LHX4: variants seen among roughly 807,000 people sequenced by gnomAD.
LHX4 encodes LIM homeobox 4, also known as LIM/homeobox protein Lhx4.
LHX4 carries 16 observed loss-of-function variants against 39.2 expected under a neutral mutation model. That is an observed-to-expected ratio of 0.41 (90% confidence interval 0.28 to 0.62). The LOEUF is 0.62. LHX4 is among the 20% of genes least tolerant of loss of function. The pLI is 0.33. For synonymous variants in LHX4, 206 were observed against 198.1 expected (o/e 1.04, Z -0.33); for missense variants, 439 against 511.9 (o/e 0.86, Z 1.37).
chr1:180,250,847 A>G (rs1647600987), intron 2 of LHX4, among the ~76,000 whole-genome samples: 2 of 152,200 alleles, frequency 1.3e-5, no homozygotes, highest in Admixed American at 1.3e-4. Flanking sequence ...GGGTCTCCCT[A>G]GACCCAGGAA....
At chr1:180,260,439 G>A (rs1453391412) in intron 2 of LHX4, among the ~76,000 whole-genome samples, 1 of 151,710 alleles carries the variant, frequency 6.6e-6, no homozygotes, top group Non-Finnish European at 1.5e-5. Context: ...TCTTGCACTG[G>A]TGAGCAGCCC....
At position 180,234,885 on chromosome 1, in the gene LHX4, G is replaced by C. The variant is rs1208293879; in HGVS notation, c.76+4280G>C. ...CGACCCACATGACCTCGCTACGACC[G>C]GGGCAGGGCTCCTCCGCCCCGCGGG... On this transcript the variant is annotated intron_variant, in intron 1 of 5. Coordinates refer to ENST00000263726, the MANE Select transcript of LHX4 (RefSeq NM_033343.4). This position sits in a 1 kb window ranked among gnomAD's most constrained non-coding sequence, Gnocchi z 4.8. Among the ~76,000 whole-genome samples the C allele has an allele frequency of 1.3e-5, 2 of 152,218 alleles. No individual in the cohort carries two copies. Among genetic ancestry groups the C allele is most frequent in the Admixed American group, 6.5e-5 (1 of 15,290 alleles).
In LHX4 at chr1:180,274,705, C is replaced by T; in HGVS notation, c.*126C>T. 1 of 1,150,280 alleles carries T rather than the reference C, an allele frequency of 8.7e-7. No homozygotes were observed. Among genetic ancestry groups the T allele is most frequent in the East Asian group, 2.4e-5 (1 of 41,776 alleles). 71.3% of individuals were successfully genotyped at this position (1,150,280 alleles called of 1,614,324 possible). On this transcript the variant is annotated 3_prime_UTR_variant, in exon 6 of 6. Coordinates refer to ENST00000263726, the MANE Select transcript of LHX4 (RefSeq NM_033343.4). ...AATTTCCATTATTTTCAATGGAAGT[C>T]CTCCGCTGATTCCTAGAAGGCTGTG... is the stretch of plus-strand genomic sequence containing the variant.
Position 180,266,715 on chromosome 1 carries a change from CG to C in LHX4, c.451+122del. On this transcript the variant is annotated intron_variant, in intron 3 of 5. Coordinates refer to ENST00000263726, the MANE Select transcript of LHX4 (RefSeq NM_033343.4). This position sits in a 1 kb window ranked among gnomAD's most constrained non-coding sequence, Gnocchi z 5.7. Reference sequence around the variant, plus strand: ...ATCCCTCAGAGCCCTACTCATGCACCGCCACCTCTGAGAAGCGTCCCAGATC... The same window carrying C: ...ATCCCTCAGAGCCCTACTCATGCACCCCACCTCTGAGAAGCGTCCCAGATC... 2.1e-6 allele frequency: 2 copies of C among 958,424 alleles called. No homozygotes were observed. Among genetic ancestry groups the C allele is most frequent in the Non-Finnish European group, 3.2e-6 (2 of 616,816 alleles). The allele number at this position is 958,424 out of a possible 1,614,324, so 59.4% of individuals were successfully genotyped here.
intron 3 of LHX4, among the ~76,000 whole-genome samples, chr1:180,267,338 T>A (rs1323208239): frequency 6.6e-6 from 1 of 152,272 alleles, no homozygotes; most frequent in Non-Finnish European, 1.5e-5. Context: ...GGTCCCGCAT[T>A]TAGCAGCCAC....
In LHX4 at chr1:180,260,499, G is replaced by A. The variant is rs543604049; in HGVS notation, c.249-5893G>A. Among the ~76,000 whole-genome samples, 27 of 151,910 alleles carry A rather than the reference G, an allele frequency of 1.8e-4. No homozygotes were observed. In the South Asian group the frequency reaches 5.6e-3, roughly 32 times the overall value. On this transcript the variant is annotated intron_variant, in intron 2 of 5. Coordinates refer to ENST00000263726, the MANE Select transcript of LHX4 (RefSeq NM_033343.4). ...GGTGGACAAATCAACAGCAGCAGGA[G>A]CTCAGGCGGAGCTCAGGTGCAGAGG...
intron 1 of LHX4, among the ~76,000 whole-genome samples, chr1:180,243,375 A>G (rs1647254987): frequency 6.6e-6 from 1 of 151,884 alleles, no homozygotes; most frequent in East Asian, 1.9e-4. Flanking sequence ...CTCCCTCAGG[A>G]GGAGGAGATC....
Position 180,232,064 on chromosome 1 carries a change from TTCACTACGCCCCACACCCCGC to T in LHX4, c.76+1460_76+1480del. ...ATGTTTTCATAGAAGGCATTGGAGA[TTCACTACGCCCCACACCCCGC>T]ACACAGGCAGGGACAGAGTGGGTTC... On this transcript the variant is annotated intron_variant, in intron 1 of 5. Transcript: ENST00000263726. This position sits in a 1 kb window ranked among gnomAD's most constrained non-coding sequence, Gnocchi z 5.4. 6.6e-6 allele frequency among the ~76,000 whole-genome samples: 1 copy of T among 152,290 alleles called. No individual in the cohort carries two copies. Among genetic ancestry groups the T allele is most frequent in the South Asian group, 2.1e-4 (1 of 4,826 alleles).
At chr1:180,245,319 C>T (rs1647345805) in intron 1 of LHX4, among the ~76,000 whole-genome samples, 1 of 152,244 alleles carries the variant, frequency 6.6e-6, no homozygotes, top group Non-Finnish European at 1.5e-5. Flanking sequence ...TGGCTATCCA[C>T]CCTTCATAGA....
At chr1:180,260,015 G>A (rs752313806) in intron 2 of LHX4, among the ~76,000 whole-genome samples, 2 of 151,694 alleles carry the variant, frequency 1.3e-5, no homozygotes, top group Non-Finnish European at 2.9e-5. Flanking sequence ...GGCCTGGAAG[G>A]ATGGTCTATG....
Position 180,234,574 on chromosome 1 carries a change from C to T in LHX4, c.76+3969C>T, listed in dbSNP as rs1210468843. On this transcript the variant is annotated intron_variant, in intron 1 of 5. Coordinates refer to ENST00000263726, the MANE Select transcript of LHX4 (RefSeq NM_033343.4). This position sits in a 1 kb window ranked among gnomAD's most constrained non-coding sequence, Gnocchi z 4.8. ...CCAGGGCCTTGTTATCTGAGAGGGC[C>T]GTTAGCACGGAGGGAAGCTTGGAAA... 6.6e-6 allele frequency among the ~76,000 whole-genome samples: 1 copy of T among 152,190 alleles called. No individual in the cohort carries two copies. The highest frequency in any genetic ancestry group is 1.5e-5 in the Non-Finnish European group (1 of 68,028).
intron 2 of LHX4, among the ~76,000 whole-genome samples, chr1:180,261,495 G>A (rs1648111896): frequency 6.6e-6 from 1 of 152,100 alleles, no homozygotes; most frequent in African/African-American, 2.4e-5. Context: ...TACAAAACAT[G>A]TCTTAAAAAA....
rs980873756 is a variant in LHX4, at chr1:180,230,695, G to A, written c.76+90G>A. ...GGGGCGGGCCGGACGCCGCTCAGGG[G>A]CCGGGAGGGGCTGGCGGCCGGGGCG... On this transcript the variant is annotated intron_variant, in intron 1 of 5. Coordinates refer to ENST00000263726, the MANE Select transcript of LHX4 (RefSeq NM_033343.4). The surrounding 1 kb of genome is among the most constrained non-coding windows in gnomAD (Gnocchi z 5.8). 25 of 1,267,096 alleles carry A rather than the reference G, an allele frequency of 2.0e-5. No homozygotes were observed. The highest frequency in any genetic ancestry group is 2.8e-5 in the Non-Finnish European group (25 of 879,970). The allele number at this position is 1,267,096 out of a possible 1,614,324, so 78.5% of individuals were successfully genotyped here. A position where few individuals can be genotyped will look rare whatever the true frequency, so the allele number is the denominator to read the frequency against.
At chr1:180,233,275 C>T (rs888755949) in intron 1 of LHX4, among the ~76,000 whole-genome samples, 2 of 152,258 alleles carry the variant, frequency 1.3e-5, no homozygotes, top group Non-Finnish European at 2.9e-5. Flanking sequence ...CTCCCGCCCC[C>T]GCAGGCTCCC....
At chr1:180,233,121 C>T (rs1664218783) in intron 1 of LHX4, among the ~76,000 whole-genome samples, 1 of 152,192 alleles carries the variant, frequency 6.6e-6, no homozygotes, top group Non-Finnish European at 1.5e-5. Flanking sequence ...CTTATTTCGG[C>T]GGCAGCTGGA....
intron 2 of LHX4, among the ~76,000 whole-genome samples, chr1:180,251,365 A>G (rs928121242): frequency 6.6e-6 from 1 of 152,124 alleles, no homozygotes; most frequent in African/African-American, 2.4e-5. Flanking sequence ...CAGGGCTTCC[A>G]TCCTTCCAGG....
At position 180,234,154 on chromosome 1, in the gene LHX4, C is replaced by G. The variant is rs1453017695; in HGVS notation, c.76+3549C>G. Among the ~76,000 whole-genome samples the G allele has an allele frequency of 7.8e-6, 1 of 128,106 alleles. No individual in the cohort carries two copies. Among genetic ancestry groups the G allele is most frequent in the African/African-American group, 2.8e-5 (1 of 35,280 alleles). The allele number at this position is 128,106 out of a possible 152,430, so 84.0% of individuals were successfully genotyped here. A position where few individuals can be genotyped will look rare whatever the true frequency, so the allele number is the denominator to read the frequency against. On this transcript the variant is annotated intron_variant, in intron 1 of 5. Transcript: ENST00000263726. The surrounding 1 kb of genome is among the most constrained non-coding windows in gnomAD (Gnocchi z 4.8). ...TCTCCTAGTGCGAGAAACAGACACA[C>G]ACAACACACACAAATTATATATATA...
intron 2 of LHX4, among the ~76,000 whole-genome samples, chr1:180,263,233 C>T (rs781699193): frequency 6.6e-6 from 1 of 152,184 alleles, no homozygotes; most frequent in Admixed American, 6.5e-5. Context: ...AGTTTTACCT[C>T]GTGTGGGGCC....
rs1342999314 is a variant in LHX4 at position 180,234,850 on chromosome 1, T to C, written c.76+4245T>C. Among the ~76,000 whole-genome samples, 1 of 151,980 alleles carries C rather than the reference T, an allele frequency of 6.6e-6. No homozygotes were observed. The highest frequency in any genetic ancestry group is 1.5e-5 in the Non-Finnish European group (1 of 67,988). The stretch of plus-strand genomic sequence containing the variant: ...GCTGAGCAGGAGTGGCGTCCTAGGG[T>C]CTGGGAGCGCGACCCACATGACCTC... On this transcript the variant is annotated intron_variant, in intron 1 of 5. Transcript: ENST00000263726. The surrounding 1 kb of genome is among the most constrained non-coding windows in gnomAD (Gnocchi z 4.8).
Sources: gnomAD v4.1 joint callset for allele counts (sites outside exome capture counted in the v4.1 genomes callset) on GRCh38, gnomAD v4.1.1 for gene constraint, Gnocchi (gnomAD v3.1) non-coding constraint, MANE v1.5 for transcripts, NCBI Gene and HGNC (gene_info 2026-07-23, HGNC 2026-07-21) for gene names.